DHTKD1: variants seen among roughly 807,000 people sequenced by gnomAD.
DHTKD1 encodes 2-oxoadipate dehydrogenase complex component E1.
DHTKD1 carries 78 observed loss-of-function variants against 101.8 expected under a neutral mutation model. That is an observed-to-expected ratio of 0.77 (90% CI 0.64 to 0.93). DHTKD1 has a LOEUF of 0.93. Ranked by LOEUF, DHTKD1 falls within the 40% of genes least tolerant of loss-of-function variation. DHTKD1 has a pLI of 0.00. For synonymous variants in DHTKD1, 462 were observed against 450.3 expected (o/e 1.03, Z -0.33); for missense variants, 1,223 against 1,161.7 (o/e 1.05, Z -0.77).
chr10:12,118,966 C>G lies in DHTKD1; in HGVS notation c.2572+48C>G, dbSNP rs367999077. The G allele has an allele frequency of 3.9e-5, 56 of 1,431,908 alleles. No homozygotes were observed. The African/African-American group carries it at 7.5e-4, about 19-fold the overall frequency. 88.7% of individuals were successfully genotyped at this position (1,431,908 alleles called of 1,614,324 possible). A position where few individuals can be genotyped will look rare whatever the true frequency, so the allele number is the denominator to read the frequency against. ...GTTTTGATGTTCAGATACCCAAAACCCATTTCAGCTCTTTTAAATGAAAAG... is the reference window on the plus strand; with the variant it reads ...GTTTTGATGTTCAGATACCCAAAACGCATTTCAGCTCTTTTAAATGAAAAG... On this transcript the variant is annotated intron_variant, in intron 15 of 16. Coordinates refer to ENST00000263035, the MANE Select transcript of DHTKD1 (RefSeq NM_018706.7).
At chr10:12,118,695 T>C (rs1350766707) in intron 14 of DHTKD1, 54 bp from the exon 15 acceptor site, 4 of 1,418,080 alleles carry the variant, frequency 2.8e-6, no homozygotes, top group Non-Finnish European at 3.7e-6. Context: ...TCTGACGTAA[T>C]TCTTACTTTA....
rs552857070 is a variant in DHTKD1, at chr10:12,072,779, G to A, written c.154+3592G>A. Among the ~76,000 whole-genome samples, 4 of 150,090 alleles carry A rather than the reference G, an allele frequency of 2.7e-5. No individual in the cohort carries two copies. In the South Asian group the frequency reaches 6.3e-4, roughly 24 times the overall value. On this transcript the variant is annotated intron_variant, in intron 1 of 16. Transcript: ENST00000263035. ...GAGATGGAGTTTCGCTCTTGTTGCC[G>A]AGGCTGGAGTGCAATGGCACGATCT...
Position 12,107,839 on chromosome 10 carries a change from A to T in DHTKD1, c.2048-70A>T, listed in dbSNP as rs377146725. ...GCAGAAAACTAACATTGATTTCCCC[A>T]GCTGAGTCGTGTCAGGCCACTTTGT... On this transcript the variant is annotated intron_variant, in intron 11 of 16. Transcript: ENST00000263035. This position sits in a 1 kb window ranked among gnomAD's most constrained non-coding sequence, Gnocchi z 4.1. 40 of 1,012,490 alleles carry T rather than the reference A, an allele frequency of 4.0e-5. No homozygotes were observed. The highest frequency in any genetic ancestry group is 3.4e-4 in the East Asian group (14 of 41,434). The allele number at this position is 1,012,490 out of a possible 1,614,324, so 62.7% of individuals were successfully genotyped here.
In DHTKD1 at chr10:12,117,723, G is replaced by T; in HGVS notation, c.2370G>T (p.Pro790=). The change falls in exon 14 of 17, where the codon CCG becomes CCT. Residue 790 remains proline (P), a synonymous_variant. Transcript: ENST00000263035. The stretch of plus-strand genomic sequence containing the variant: ...TGGCACCAGGAACAACATTTAACCC[G>T]GTCATTGGTGATTCATCTGTGGATC... ...QEMAPGTTFN[P]VIGDSSVDPK... is the part of the protein sequence containing the mutation. 6.2e-7 allele frequency: 1 copy of T among 1,604,720 alleles called. No individual in the cohort carries two copies. The highest frequency in any genetic ancestry group is 1.1e-5 in the South Asian group (1 of 89,452).
Position 12,120,373 on chromosome 10 carries a change from G to A in DHTKD1, c.2658+106G>A, listed in dbSNP as rs534859266. On this transcript the variant is annotated intron_variant, in intron 16 of 16. Coordinates refer to ENST00000263035, the MANE Select transcript of DHTKD1 (RefSeq NM_018706.7). The stretch of plus-strand genomic sequence containing the variant: ...TTTTGAGACAGAGTCTCACTCTGTT[G>A]CCCAGGCTGGAGTGCAGTGGCGCAA... 26 of 995,558 alleles carry A rather than the reference G, an allele frequency of 2.6e-5. 1 individual carries two copies. The South Asian group carries it at 2.7e-4, about 10-fold the overall frequency. The allele number at this position is 995,558 out of a possible 1,614,324, so 61.7% of individuals were successfully genotyped here.
At chr10:12,079,861 C>G (rs185725821) in intron 1 of DHTKD1, among the ~76,000 whole-genome samples, 1 of 152,278 alleles carries the variant, frequency 6.6e-6, no homozygotes, top group Admixed American at 6.5e-5. Flanking sequence ...AGTTCGTTTC[C>G]TGGGATGGTT....
chr10:12,108,599 A>T (rs933480072), intron 12 of DHTKD1, among the ~76,000 whole-genome samples: 4 of 152,114 alleles, frequency 2.6e-5, no homozygotes, highest in African/African-American at 9.7e-5. Flanking sequence ...AACATTTGAA[A>T]TATCCTGCCA....
At position 12,091,574 on chromosome 10, in the gene DHTKD1, A is replaced by G. The variant is rs767835382; in HGVS notation, c.1049A>G (p.Asn350Ser). The change falls in exon 6 of 17, where the codon AAT (asparagine) becomes AGT (serine). Residue 350 changes from asparagine (N) to serine (S), a missense_variant. Physicochemically the swap from Asn to Ser is conservative, Grantham distance 46. Transcript: ENST00000263035. ...GIVPETFTLS[N>S]LPHFRIGGSV... is the part of the protein sequence containing the mutation. ...GTTCCTGAAACATTCACGCTGTCCAATCTCCCACATTTCAGAATTGGTGGG... is the reference window on the plus strand; with the variant it reads ...GTTCCTGAAACATTCACGCTGTCCAGTCTCCCACATTTCAGAATTGGTGGG... 4 of 1,613,262 alleles carry G rather than the reference A, an allele frequency of 2.5e-6. No homozygotes were observed. Among genetic ancestry groups the G allele is most frequent in the South Asian group, 2.2e-5 (2 of 91,022 alleles).
chr10:12,102,610 G>A (rs1355425359), intron 10 of DHTKD1, among the ~76,000 whole-genome samples: 1 of 151,900 alleles, frequency 6.6e-6, no homozygotes, highest in African/African-American at 2.4e-5. Flanking sequence ...TCATTGAATT[G>A]TGCTTTGATA....
chr10:12,083,608 C>T (rs991531391), intron 2 of DHTKD1, among the ~76,000 whole-genome samples: 29 of 152,042 alleles, frequency 1.9e-4, no homozygotes, highest in Non-Finnish European at 3.4e-4. Context: ...GTGGTGTGCA[C>T]GTGTAGTCCC....
intron 12 of DHTKD1, among the ~76,000 whole-genome samples, chr10:12,108,410 C>T (rs549289443): frequency 1.2e-4 from 19 of 152,186 alleles, no homozygotes; most frequent in South Asian, 1.2e-3. Flanking sequence ...CTCCAAGTAG[C>T]TGGGACCACA....
chr10:12,088,991 G>T lies in DHTKD1; in HGVS notation c.723G>T (p.Met241Ile). The T allele has an allele frequency of 6.2e-7, 1 of 1,613,268 alleles. No homozygotes were observed. The highest frequency in any genetic ancestry group is 8.5e-7 in the Non-Finnish European group (1 of 1,179,338). ...TTTGAATGTATCCACAATAGCTGATGTTCCGTAAAATGCGAGGCTTAAGTG... is the reference window on the plus strand; with the variant it reads ...TTTGAATGTATCCACAATAGCTGATTTTCCGTAAAATGCGAGGCTTAAGTG... ...TGLLQFPPEL[M>I]FRKMRGLSEF... is the part of the protein sequence containing the mutation. Residue 241 changes from methionine to isoleucine, a missense_variant, in exon 5 of 17, where the codon ATG (methionine) becomes ATT (isoleucine). Physicochemically the swap from Met to Ile is conservative, Grantham distance 10. Coordinates refer to ENST00000263035, the MANE Select transcript of DHTKD1 (RefSeq NM_018706.7).
At chr10:12,115,678 T>G (rs1722455) in intron 13 of DHTKD1, among the ~76,000 whole-genome samples, 146,877 of 152,230 alleles carry the variant, frequency 0.96, 71,094 homozygotes, top group Middle Eastern at 1. Context: ...TATATATTTC[T>G]AGGTGACCTC....
At chr10:12,077,484 G>A (rs771003778) in intron 1 of DHTKD1, among the ~76,000 whole-genome samples, 3 of 152,250 alleles carry the variant, frequency 2.0e-5, no homozygotes, top group Non-Finnish European at 4.4e-5. Context: ...ACCTTGGCCC[G>A]CCTTGGCCTC....
At chr10:12,077,455 G>C (rs1449937255) in intron 1 of DHTKD1, among the ~76,000 whole-genome samples, 1 of 152,106 alleles carries the variant, frequency 6.6e-6, no homozygotes, top group East Asian at 1.9e-4. Flanking sequence ...ACAAACTCCT[G>C]ACCTCAGGTG....
At chr10:12,100,731 A>G (rs963798260) in intron 9 of DHTKD1, among the ~76,000 whole-genome samples, 3 of 152,240 alleles carry the variant, frequency 2.0e-5, no homozygotes, top group Non-Finnish European at 4.4e-5. Context: ...TATTTGTAGT[A>G]TAAGTCATGC....
At chr10:12,114,319 C>T (rs371248853) in intron 13 of DHTKD1, among the ~76,000 whole-genome samples, 174 of 148,364 alleles carry the variant, frequency 1.2e-3, no homozygotes, top group African/African-American at 3.2e-3. Flanking sequence ...TTTTTTGAGA[C>T]GGAGTCTCAC....
In DHTKD1 at chr10:12,108,033, C is replaced by T. The variant is rs201781532; in HGVS notation, c.2154+18C>T. 1.7e-4 allele frequency: 266 copies of T among 1,578,686 alleles called. 1 individual carries two copies. The East Asian group carries it at 4.7e-3, about 28-fold the overall frequency. ...TCCTGCAGGTAAGGGTAACGTCTTC[C>T]GGAGTCAATGAATCATTTTCCTGCT... On this transcript the variant is annotated intron_variant, in intron 12 of 16. Coordinates refer to ENST00000263035, the MANE Select transcript of DHTKD1 (RefSeq NM_018706.7).
chr10:12,084,538 A>T lies in DHTKD1; in HGVS notation c.311-2A>T, dbSNP rs1020640859. Reference sequence around the variant, plus strand: ...GATGACCCCTTTGATTGTATTTCACAGGATTATTGAACATGGGGAAGGAAG... The same window carrying T: ...GATGACCCCTTTGATTGTATTTCACTGGATTATTGAACATGGGGAAGGAAG... On this transcript the variant is annotated splice_acceptor_variant, in intron 2 of 16. Coordinates refer to ENST00000263035, the MANE Select transcript of DHTKD1 (RefSeq NM_018706.7). LOFTEE classifies it high-confidence loss of function. 3 of 1,580,998 alleles carry T rather than the reference A, an allele frequency of 1.9e-6. No individual in the cohort carries two copies. The African/African-American group carries it at 4.0e-5, about 21-fold the overall frequency.
Sources: allele counts gnomAD v4.1 joint callset (sites outside exome capture counted in the v4.1 genomes callset), GRCh38; gene constraint gnomAD v4.1.1; non-coding constraint Gnocchi (gnomAD v3.1); transcripts MANE v1.5; gene names NCBI Gene and HGNC (gene_info 2026-07-23, HGNC 2026-07-21).